Variants in KCTD1 observed in about 807,000 individuals in gnomAD.
KCTD1 encodes the protein potassium channel tetramerization domain containing 1, also known as BTB/POZ domain-containing protein KCTD1.
KCTD1 carries 24 observed loss-of-function variants against 66.0 expected under a neutral mutation model. That is an observed-to-expected ratio of 0.36 (90% CI 0.26 to 0.51). The LOEUF is 0.51. KCTD1 is among the 20% of genes least tolerant of loss of function. The pLI is 0.95. For missense variants in KCTD1, 943 were observed against 1,205.2 expected, an observed-to-expected ratio of 0.78 and a Z score of 3.22; for synonymous variants, 511 against 517.2, an observed-to-expected ratio of 0.99 and a Z score of 0.16.
chr18:26,540,351 G>A (rs1407188825), intron 1 of KCTD1, among the ~76,000 whole-genome samples: 3 of 152,174 alleles, frequency 2.0e-5, no homozygotes, highest in Admixed American at 6.5e-5. Flanking sequence ...CGGGCAGCAC[G>A]TTTTACCCCC....
chr18:26,641,212 C>T (rs1987827206), upstream of KCTD1, among the ~76,000 whole-genome samples: 1 of 152,144 alleles, frequency 6.6e-6, no homozygotes, highest in African/African-American at 2.4e-5. Flanking sequence ...TTCCCTGCCC[C>T]GCTGTCATTT....
intron 1 of KCTD1, among the ~76,000 whole-genome samples, chr18:26,523,726 T>C (rs1303301116): frequency 6.6e-6 from 1 of 152,260 alleles, no homozygotes; most frequent in Non-Finnish European, 1.5e-5. Flanking sequence ...TCTTACTATC[T>C]AACACAGTTT....
chr18:26,614,453 G>A (rs1456560928), intron 1 of KCTD1, among the ~76,000 whole-genome samples: 1 of 152,246 alleles, frequency 6.6e-6, no homozygotes, highest in Non-Finnish European at 1.5e-5. Context: ...GGTGGGGAGA[G>A]GCAGGGGAGT....
Position 26,602,104 on chromosome 18 carries a change from A to T in KCTD1, c.-16+27043T>A, listed in dbSNP as rs374531318. On this transcript the variant is annotated intron_variant, in intron 1 of 4. Coordinates refer to the KCTD1 transcript ENST00000317932. ...GGAAATGGCTAGTCTTTCACAATTA[A>T]GTATGATGTTAGTTGTGGGGTTTTC... Among the ~76,000 whole-genome samples, 5 of 152,292 alleles carry T rather than the reference A, an allele frequency of 3.3e-5. No individual in the cohort carries two copies. The East Asian group carries it at 9.7e-4, about 29-fold the overall frequency.
intron 1 of KCTD1, among the ~76,000 whole-genome samples, chr18:26,562,381 A>G (rs981034186): frequency 6.1e-5 from 8 of 132,048 alleles, no homozygotes. Context: ...ACGGGCACAC[A>G]TCACCATGCT....
chr18:26,546,937 G>A lies in KCTD1; in HGVS notation c.1600C>T (p.Arg534Cys), dbSNP rs781212329. Residue 534 changes from arginine (R) to cysteine (C), a missense_variant, in exon 1 of 5, where the codon CGC becomes TGC. Coordinates refer to ENST00000580059, the MANE Select transcript of KCTD1 (RefSeq NM_001142730.3). ...CCGAACACAGACTCGTACAGGGCGC[G>A]CTTGGGCGCAGCCTCGGATTTCACG... ...PDVKSEAAPK[R>C]ALYESVFGSG... The A allele has an allele frequency of 5.5e-5, 81 of 1,475,826 alleles. No individual in the cohort carries two copies. The Admixed American group carries it at 1.2e-3, about 22-fold the overall frequency. 91.4% of individuals were successfully genotyped at this position (1,475,826 alleles called of 1,614,324 possible). A position where few individuals can be genotyped will look rare whatever the true frequency, so the allele number is the denominator to read the frequency against.
chr18:26,600,060 G>A (rs1006497511), intron 1 of KCTD1: 2 of 1,611,152 alleles, frequency 1.2e-6, no homozygotes, highest in African/African-American at 2.7e-5. Flanking sequence ...ATGAGCTGCT[G>A]GATCCAGAAG....
chr18:26,511,314 G>A (rs1002581190), intron 1 of KCTD1, among the ~76,000 whole-genome samples: 1 of 152,200 alleles, frequency 6.6e-6, no homozygotes, highest in Non-Finnish European at 1.5e-5. Context: ...CACAGAAGAC[G>A]ATTTCATTTG....
intron 1 of KCTD1, among the ~76,000 whole-genome samples, chr18:26,513,593 C>T (rs1456235398): frequency 1.3e-5 from 2 of 152,198 alleles, no homozygotes; most frequent in Non-Finnish European, 2.9e-5. Flanking sequence ...TTAGCCTAAG[C>T]CATGTCACCA....
chr18:26,628,858 TA>T, intron 1 of KCTD1, among the ~76,000 whole-genome samples: 1 of 152,360 alleles, frequency 6.6e-6, no homozygotes. Context: ...CAATTTGGTT[TA>T]AATCTGGGAC....
chr18:26,605,341 C>G (rs1011125659), intron 1 of KCTD1, among the ~76,000 whole-genome samples: 1 of 152,148 alleles, frequency 6.6e-6, no homozygotes, highest in Non-Finnish European at 1.5e-5. Context: ...CAATTTTTCC[C>G]CAAATGTATC....
upstream of KCTD1, among the ~76,000 whole-genome samples, chr18:26,643,951 G>A (rs1184753720): frequency 1.3e-5 from 2 of 151,860 alleles, no homozygotes; most frequent in Non-Finnish European, 2.9e-5. Flanking sequence ...GACAGAGTGA[G>A]ACTCTGTCTC....
intron 1 of KCTD1, among the ~76,000 whole-genome samples, chr18:26,503,805 A>G (rs1240454062): frequency 8.1e-6 from 1 of 122,776 alleles, no homozygotes; most frequent in Non-Finnish European, 1.6e-5. Flanking sequence ...AATGCAATGG[A>G]TATTGCTAAA....
At chr18:26,520,194 G>GGCTCAGGGTGACTGGGTGGCTT (rs1173223068) in intron 1 of KCTD1, among the ~76,000 whole-genome samples, 1 of 152,196 alleles carries the variant, frequency 6.6e-6, no homozygotes, top group Non-Finnish European at 1.5e-5. Context: ...GGGAAACTGA[G>GGCTCAGGGTGACTGGGTGGCTT]GCTCAGGGTG....
intron 1 of KCTD1, among the ~76,000 whole-genome samples, chr18:26,656,992 C>T (rs1191804761): frequency 6.7e-6 from 1 of 149,472 alleles, no homozygotes; most frequent in East Asian, 2.0e-4. Context: ...GCACGGGCTC[C>T]CAGAGCCACG....
At chr18:26,643,085 G>T, upstream of KCTD1, among the ~76,000 whole-genome samples, 1 of 152,114 alleles carries the variant, frequency 6.6e-6, no homozygotes, top group East Asian at 1.9e-4. Flanking sequence ...ATTTCCCACG[G>T]TTCTGGAGGC....
upstream of KCTD1, among the ~76,000 whole-genome samples, chr18:26,631,507 TG>T (rs1330648972): frequency 2.0e-5 from 3 of 152,172 alleles, no homozygotes; most frequent in Admixed American, 6.5e-5. Flanking sequence ...TCTAATCTAA[TG>T]GGACCACTAC....
At chr18:26,529,295 C>A (rs1984322755) in intron 1 of KCTD1, among the ~76,000 whole-genome samples, 1 of 152,198 alleles carries the variant, frequency 6.6e-6, no homozygotes. Context: ...CCTTCCATGA[C>A]TGCCCTGCCT....
upstream of KCTD1, chr18:26,548,650 T>C: frequency 5.5e-6 from 6 of 1,082,498 alleles, no homozygotes; most frequent in Non-Finnish European, 6.9e-6. Context: ...GCCGGGCTCT[T>C]AAAGGAGCCG....
Sources: gnomAD v4.1 joint callset for allele counts (sites outside exome capture counted in the v4.1 genomes callset) on GRCh38, gnomAD v4.1.1 for gene constraint, MANE v1.5 for transcripts, NCBI Gene and HGNC (gene_info 2026-07-23, HGNC 2026-07-21) for gene names.